The following RERE variants were observed in gnomAD, a reference collection of about 807,000 sequenced individuals.
The protein encoded by RERE is arginine-glutamic acid dipeptide repeats protein.
In RERE, 40 loss-of-function variants were observed where a neutral mutation model predicts 146.1. That is an observed-to-expected ratio of 0.27 (90% confidence interval 0.21 to 0.36). The LOEUF (loss-of-function observed/expected upper bound fraction) is 0.36. RERE is among the 10% of genes least tolerant of loss of function. The pLI, the probability that RERE is intolerant of heterozygous loss-of-function variation, is 1.00. For missense variants in RERE, 1,933 were observed against 2,138.7 expected, an observed-to-expected ratio of 0.90 and a Z score of 1.90; for synonymous variants, 1,003 against 866.0, an observed-to-expected ratio of 1.16 and a Z score of -2.78.
chr1:8,682,890 T>C (rs1033338955), intron 1 of RERE, among the ~76,000 whole-genome samples: 1 of 151,756 alleles, frequency 6.6e-6, no homozygotes, highest in South Asian at 2.1e-4. Context: ...AGGATCTGAG[T>C]GTGAAGGTAA....
intron 8 of RERE, among the ~76,000 whole-genome samples, chr1:8,498,726 A>AC (rs1645082263): frequency 6.5e-5 from 1 of 15,332 alleles, no homozygotes; most frequent in African/African-American, 2.5e-4. Flanking sequence ...AAAAAAAATA[A>AC]ATATATACAC....
intron 4 of RERE, among the ~76,000 whole-genome samples, chr1:8,558,138 G>A (rs780774824): frequency 9.2e-5 from 14 of 152,128 alleles, no homozygotes; most frequent in African/African-American, 1.4e-4. Context: ...ATTTATTTCC[G>A]AATCTCCAGA....
intron 2 of RERE, among the ~76,000 whole-genome samples, chr1:8,649,129 A>G (rs1647470244): frequency 6.6e-6 from 1 of 152,196 alleles, no homozygotes; most frequent in African/African-American, 2.4e-5. Context: ...ATCCTATGCT[A>G]AAGAAGCCCA....
At chr1:8,379,734 T>C (rs1348574057) in intron 12 of RERE, among the ~76,000 whole-genome samples, 2 of 152,128 alleles carry the variant, frequency 1.3e-5, no homozygotes, top group East Asian at 3.9e-4. Flanking sequence ...CTAGAGACTC[T>C]AGGAAACCGC....
chr1:8,783,745 C>CA (rs1357783990), intron 1 of RERE, among the ~76,000 whole-genome samples: 2 of 152,148 alleles, frequency 1.3e-5, no homozygotes, highest in Non-Finnish European at 2.9e-5. Context: ...CAATTTAAGC[C>CA]AAAGTCCTGA....
rs200550198 is a variant in RERE at position 8,448,864 on chromosome 1, C to CA, written c.1203+17060dup. ...TCAAACAAACAAACAAATAAACAAA[C>CA]AAAAAAAAAAAAGGAAGAAGAACCA... is the stretch of plus-strand genomic sequence containing the variant. On this transcript the variant is annotated intron_variant, in intron 11 of 22. Coordinates refer to ENST00000400908, the MANE Select transcript of RERE (RefSeq NM_001042681.2). 4.8e-3 allele frequency among the ~76,000 whole-genome samples: 654 copies of CA among 137,110 alleles called. 1 individual carries two copies. The highest frequency in any genetic ancestry group is 0.027 in the East Asian group (128 of 4,770). The allele number at this position is 137,110 out of a possible 152,430, so 89.9% of individuals were successfully genotyped here. A position where few individuals can be genotyped will look rare whatever the true frequency, so the allele number is the denominator to read the frequency against.
intron 1 of RERE, among the ~76,000 whole-genome samples, chr1:8,728,171 C>T (rs979096722): frequency 2.6e-5 from 4 of 152,202 alleles, no homozygotes; most frequent in African/African-American, 9.6e-5. Flanking sequence ...CCAAGACCTG[C>T]GGTAGCTGCA....
At chr1:8,402,388 C>A (rs988640926) in intron 12 of RERE, among the ~76,000 whole-genome samples, 1 of 152,182 alleles carries the variant, frequency 6.6e-6, no homozygotes, top group African/African-American at 2.4e-5. Flanking sequence ...TGTGTCTTCC[C>A]AGCTGAGGCC....
At chr1:8,404,905 G>A (rs991253543) in intron 12 of RERE, among the ~76,000 whole-genome samples, 10 of 152,124 alleles carry the variant, frequency 6.6e-5, no homozygotes, top group African/African-American at 2.4e-4. Flanking sequence ...ATTAGCCCTA[G>A]ACAGTCACCA....
At chr1:8,723,665 T>C (rs955393020) in intron 1 of RERE, among the ~76,000 whole-genome samples, 1 of 152,216 alleles carries the variant, frequency 6.6e-6, no homozygotes, top group African/African-American at 2.4e-5. Context: ...AGAAAAAATA[T>C]GTCGCTGTGA....
chr1:8,559,897 T>C (rs913762654), intron 4 of RERE, among the ~76,000 whole-genome samples: 4 of 152,114 alleles, frequency 2.6e-5, no homozygotes, highest in East Asian at 1.9e-4. Context: ...CGCCAGGACA[T>C]GGGAGAGCAG....
At chr1:8,710,773 C>T (rs1639651498) in intron 1 of RERE, among the ~76,000 whole-genome samples, 1 of 152,104 alleles carries the variant, frequency 6.6e-6, no homozygotes, top group Non-Finnish European at 1.5e-5. Context: ...CCTCAGCCTC[C>T]CAAAGTGCTG....
intron 4 of RERE, among the ~76,000 whole-genome samples, chr1:8,563,963 GA>G (rs1449098075): frequency 6.6e-6 from 1 of 152,186 alleles, no homozygotes; most frequent in Non-Finnish European, 1.5e-5. Context: ...TAAGCATACA[GA>G]GGGGGGAACA....
At chr1:8,418,413 A>G (rs1368500960) in intron 12 of RERE, among the ~76,000 whole-genome samples, 1 of 152,226 alleles carries the variant, frequency 6.6e-6, no homozygotes, top group East Asian at 1.9e-4. Context: ...CTTTGGGAAC[A>G]CCTCTTGGCT....
intron 12 of RERE, among the ~76,000 whole-genome samples, chr1:8,416,381 C>A (rs301804): frequency 4.0e-5 from 6 of 151,844 alleles, no homozygotes; most frequent in South Asian, 2.1e-4. Context: ...GTCAGGAGAT[C>A]GAGACCATCC....
chr1:8,697,358 T>A (rs903997449), intron 1 of RERE, among the ~76,000 whole-genome samples: 1 of 150,710 alleles, frequency 6.6e-6, no homozygotes, highest in Admixed American at 6.6e-5. Flanking sequence ...TAAATACACA[T>A]GTATCTTTCT....
chr1:8,442,354 T>C (rs1248505086), intron 11 of RERE, among the ~76,000 whole-genome samples: 1 of 142,790 alleles, frequency 7.0e-6, no homozygotes, highest in Non-Finnish European at 1.5e-5. Flanking sequence ...GCCACTGCAG[T>C]CCAGCCCAAG....
chr1:8,443,459 G>GAAAAAAAAAAA (rs144499944), intron 11 of RERE, among the ~76,000 whole-genome samples: 36 of 112,642 alleles, frequency 3.2e-4, no homozygotes, highest in Non-Finnish European at 4.5e-4. Flanking sequence ...CTCAAAAAAA[G>GAAAAAAAAAAA]AAAAAAAAAA....
intron 12 of RERE, among the ~76,000 whole-genome samples, chr1:8,405,582 C>A (rs1241988797): frequency 2.0e-5 from 3 of 152,134 alleles, no homozygotes; most frequent in African/African-American, 7.2e-5. Context: ...TAGAAACAGT[C>A]GGAAGAATAT....
Sources: gnomAD v4.1 joint callset for allele counts (sites outside exome capture counted in the v4.1 genomes callset) on GRCh38, gnomAD v4.1.1 for gene constraint, MANE v1.5 for transcripts, NCBI Gene and HGNC (gene_info 2026-07-23, HGNC 2026-07-21) for gene names.